CDH13: variants seen among roughly 807,000 people sequenced by gnomAD.
CDH13 encodes cadherin-13.
In CDH13, 24 loss-of-function variants were observed where a neutral mutation model predicts 63.8. That is an observed-to-expected ratio of 0.38 (90% CI 0.27 to 0.53). CDH13 has a LOEUF of 0.53. Ranked by LOEUF, CDH13 falls within the 20% of genes least tolerant of loss-of-function variation. The pLI is 0.85. For missense variants in CDH13, 1,049 were observed against 903.1 expected, an observed-to-expected ratio of 1.16 and a Z score of -2.07; for synonymous variants, 503 against 355.3, an observed-to-expected ratio of 1.42 and a Z score of -4.67.
intron 2 of CDH13, among the ~76,000 whole-genome samples, chr16:82,899,088 G>C (rs1377732423): frequency 6.6e-6 from 1 of 152,196 alleles, no homozygotes; most frequent in Admixed American, 6.5e-5. Flanking sequence ...GTCCATCACA[G>C]TGTCCACTTC....
chr16:83,646,642 A>G (rs1005465869), intron 8 of CDH13, among the ~76,000 whole-genome samples: 7 of 143,706 alleles, frequency 4.9e-5, no homozygotes, highest in African/African-American at 1.8e-4. Flanking sequence ...CAGTGAGCTG[A>G]GATCACGCGA....
rs116939616 is a variant in CDH13 at position 83,373,823 on chromosome 16, G to A, written c.781+28817G>A. ...TCCCTAGACCTGAGGAATGAAGGAA[G>A]AGTCACTGATCTGGAAGGCGTGAGT... On this transcript the variant is annotated intron_variant, in intron 6 of 13. Coordinates refer to ENST00000567109, the MANE Select transcript of CDH13 (RefSeq NM_001257.5). 4.1e-3 allele frequency among the ~76,000 whole-genome samples: 620 copies of A among 152,274 alleles called. 4 individuals carry two copies. Among genetic ancestry groups the A allele is most frequent in the Non-Finnish European group, 6.5e-3 (441 of 68,030 alleles).
chr16:83,609,881 C>G (rs1908697102), intron 8 of CDH13, among the ~76,000 whole-genome samples: 1 of 152,152 alleles, frequency 6.6e-6, no homozygotes, highest in Admixed American at 6.5e-5. Flanking sequence ...CTCCCCATTG[C>G]CCATTCCCCC....
At chr16:83,778,048 G>C (rs560917433) in intron 11 of CDH13, among the ~76,000 whole-genome samples, 234 of 152,282 alleles carry the variant, frequency 1.5e-3, no homozygotes, top group African/African-American at 5.3e-3. Context: ...TTGGGAATAA[G>C]GCAAATCTGT....
At chr16:83,102,580 C>T (rs1051534336) in intron 3 of CDH13, among the ~76,000 whole-genome samples, 1 of 152,102 alleles carries the variant, frequency 6.6e-6, no homozygotes, top group Non-Finnish European at 1.5e-5. Context: ...GGAGATCGCA[C>T]TGGAAGCTAC....
chr16:83,027,407 T>C (rs72794184), intron 2 of CDH13, among the ~76,000 whole-genome samples: 20,117 of 151,872 alleles, frequency 0.13, 1,402 homozygotes, highest in African/African-American at 0.17. Flanking sequence ...TCTTGAAGAG[T>C]AAGCAAGAGT....
At chr16:82,899,743 C>G (rs746479123) in intron 2 of CDH13, among the ~76,000 whole-genome samples, 1 of 152,108 alleles carries the variant, frequency 6.6e-6, no homozygotes, top group East Asian at 1.9e-4. Context: ...TGGACACATT[C>G]CTTTGTCAAC....
chr16:83,086,468 T>C (rs9937458), intron 3 of CDH13, among the ~76,000 whole-genome samples: 92,528 of 152,052 alleles, frequency 0.61, 29,046 homozygotes, highest in African/African-American at 0.76. Context: ...CTTATTGCAG[T>C]ACAGTGGAGC....
intron 5 of CDH13, among the ~76,000 whole-genome samples, chr16:83,246,728 C>A (rs1178848612): frequency 6.6e-6 from 1 of 152,200 alleles, no homozygotes; most frequent in South Asian, 2.1e-4. Context: ...GCCGGTGTTG[C>A]TGCCAGAAGC....
intron 1 of CDH13, among the ~76,000 whole-genome samples, chr16:82,785,413 G>A (rs2035957780): frequency 6.6e-6 from 1 of 152,172 alleles, no homozygotes; most frequent in South Asian, 2.1e-4. Context: ...ATGTTCAGTG[G>A]AGCTCAAATT....
At chr16:82,832,854 A>G (rs2038606634) in intron 1 of CDH13, among the ~76,000 whole-genome samples, 1 of 152,220 alleles carries the variant, frequency 6.6e-6, no homozygotes, top group African/African-American at 2.4e-5. Context: ...TAACTGCACC[A>G]AGGAACATAG....
At chr16:83,031,890 C>T (rs1475633987) in intron 2 of CDH13, 120 bp from the exon 3 acceptor site, 4 of 770,812 alleles carry the variant, frequency 5.2e-6, no homozygotes, top group Non-Finnish European at 8.5e-6. Context: ...TAAAACGTAA[C>T]ATTTGTGAAC....
chr16:83,417,666 A>C (rs2071590338), intron 6 of CDH13, among the ~76,000 whole-genome samples: 1 of 152,204 alleles, frequency 6.6e-6, no homozygotes, highest in Admixed American at 6.5e-5. Flanking sequence ...GAGAAACTCC[A>C]AAGCAACAGC....
chr16:83,172,237 T>C (rs1237260839), intron 4 of CDH13, among the ~76,000 whole-genome samples: 1 of 152,090 alleles, frequency 6.6e-6, no homozygotes, highest in African/African-American at 2.4e-5. Context: ...ATGCCTGTAA[T>C]CCCAGCACTT....
chr16:83,440,141 G>GA (rs1229712165), intron 6 of CDH13, among the ~76,000 whole-genome samples: 1 of 152,120 alleles, frequency 6.6e-6, no homozygotes, highest in Non-Finnish European at 1.5e-5. Context: ...TGGGGATGGA[G>GA]AAAAAGGGAA....
chr16:83,112,377 A>C (rs117413811), intron 3 of CDH13, among the ~76,000 whole-genome samples: 4,840 of 152,318 alleles, frequency 0.032, 114 homozygotes, highest in Non-Finnish European at 0.048. Flanking sequence ...ACAGAGACAG[A>C]GACACAGAAA....
chr16:83,565,606 G>A (rs771710137), intron 7 of CDH13, among the ~76,000 whole-genome samples: 2 of 152,056 alleles, frequency 1.3e-5, no homozygotes, highest in South Asian at 2.1e-4. Context: ...TATGTGGTGG[G>A]TGAAGGTGAT....
At chr16:83,458,508 G>T (rs1262302916) in intron 6 of CDH13, among the ~76,000 whole-genome samples, 1 of 151,906 alleles carries the variant, frequency 6.6e-6, no homozygotes, top group African/African-American at 2.4e-5. Flanking sequence ...CAAACCTATG[G>T]AGTTATAGAA....
intron 5 of CDH13, among the ~76,000 whole-genome samples, chr16:83,233,108 C>G (rs187567747): frequency 1.0e-3 from 157 of 152,276 alleles, no homozygotes; most frequent in African/African-American, 3.6e-3. Context: ...CTGCATCCCA[C>G]TTCCTAAGTA....
Sources: gnomAD v4.1 joint callset for allele counts (sites outside exome capture counted in the v4.1 genomes callset) on GRCh38, gnomAD v4.1.1 for gene constraint, MANE v1.5 for transcripts, NCBI Gene and HGNC (gene_info 2026-07-23, HGNC 2026-07-21) for gene names.